The following TRIM25 variants were observed in gnomAD, a reference collection of about 807,000 sequenced individuals.
TRIM25 encodes tripartite motif containing 25, also known as E3 ubiquitin/ISG15 ligase TRIM25.
TRIM25 carries 45 observed loss-of-function variants against 65.2 expected under a neutral mutation model. That is an observed-to-expected ratio of 0.69 (90% CI 0.54 to 0.89). The LOEUF (loss-of-function observed/expected upper bound fraction) is 0.89. Among genes scored for constraint, TRIM25 ranks in the 40% least tolerant of loss-of-function variants. The pLI, the probability that TRIM25 is intolerant of heterozygous loss-of-function variation, is 0.00. For synonymous variants in TRIM25, 321 were observed against 340.4 expected, an observed-to-expected ratio of 0.94 and a Z score of 0.63; for missense variants, 714 against 803.7, an observed-to-expected ratio of 0.89 and a Z score of 1.35.
chr17:56,896,035 A>G (rs1178563477), intron 5 of TRIM25, 83 bp from the exon 6 acceptor site: 1 of 1,392,848 alleles, frequency 7.2e-7, no homozygotes. Context: ...CATGTGCATG[A>G]ATTTGACCCA....
rs897229289 is a variant in TRIM25 at position 56,890,097 on chromosome 17, T to C, written c.*1603A>G. The C allele has an allele frequency of 2.4e-5, 9 of 374,562 alleles. No homozygotes were observed. The highest frequency in any genetic ancestry group is 3.8e-5 in the Non-Finnish European group (8 of 210,024). 23.2% of individuals were successfully genotyped at this position (374,562 alleles called of 1,614,324 possible). Reference sequence around the variant, plus strand: ...CTGAGATGCATTACATTCTCAAATATCCATATGAAAAGGTCTGGGGTCTCT... The same window carrying C: ...CTGAGATGCATTACATTCTCAAATACCCATATGAAAAGGTCTGGGGTCTCT... On this transcript the variant is annotated 3_prime_UTR_variant, in exon 9 of 9. Coordinates refer to ENST00000316881, the MANE Select transcript of TRIM25 (RefSeq NM_005082.5).
Position 56,888,317 on chromosome 17 carries a change from T to G in TRIM25, c.*3383A>C, listed in dbSNP as rs1458184745. 6.6e-6 allele frequency: 1 copy of G among 151,940 alleles called. No homozygotes were observed. Among genetic ancestry groups the G allele is most frequent in the Non-Finnish European group, 1.5e-5 (1 of 67,994 alleles). 9.4% of individuals were successfully genotyped at this position (151,940 alleles called of 1,614,324 possible). On this transcript the variant is annotated 3_prime_UTR_variant, in exon 9 of 9. Transcript: ENST00000316881. ...ATGGCCTCACAAATAACAAAGACAC[T>G]CCTATTACCCTGGAAATGTCAAGGA...
intron 1 of TRIM25, among the ~76,000 whole-genome samples, chr17:56,909,222 G>T (rs1006192135): frequency 2.6e-5 from 4 of 152,072 alleles, no homozygotes; most frequent in South Asian, 4.2e-4. Flanking sequence ...TCCAGGAGAA[G>T]GGGGAAGGGG....
In TRIM25 at chr17:56,891,931, G is replaced by A. The variant is rs1418484328; in HGVS notation, c.1662C>T (p.Phe554=). Residue 554 remains phenylalanine (F), a synonymous_variant, in exon 9 of 9, where the codon TTC becomes TTT. Coordinates refer to ENST00000316881, the MANE Select transcript of TRIM25 (RefSeq NM_005082.5). ...TGTGCCAGGCAGAGATCTTGGTGTT[G>A]AACCACTCCACGCACCAGGAGGCGC... ...RNSASWCVEW[F]NTKISAWHNN... is the part of the protein sequence containing the mutation. The A allele has an allele frequency of 1.2e-6, 2 of 1,614,114 alleles. No individual in the cohort carries two copies. The highest frequency in any genetic ancestry group is 1.7e-6 in the Non-Finnish European group (2 of 1,180,054).
Position 56,891,613 on chromosome 17 carries a change from A to G in TRIM25, c.*87T>C. The G allele has an allele frequency of 8.7e-7, 1 of 1,150,186 alleles. No individual in the cohort carries two copies. The allele number at this position is 1,150,186 out of a possible 1,614,324, so 71.2% of individuals were successfully genotyped here. The stretch of plus-strand genomic sequence containing the variant: ...TCCCAATCCTTGGGACCTCTTGGGG[A>G]ATTATCCAAGGAGAGTTCTGCCTGC... On this transcript the variant is annotated 3_prime_UTR_variant, in exon 9 of 9. Transcript: ENST00000316881.
At chr17:56,908,127 C>T (rs576146276) in intron 2 of TRIM25, among the ~76,000 whole-genome samples, 2 of 152,300 alleles carry the variant, frequency 1.3e-5, no homozygotes, top group Admixed American at 6.5e-5. Flanking sequence ...AACTAATATA[C>T]TTCCTTTTTG....
chr17:56,903,904 T>G (rs1238985707), intron 3 of TRIM25, among the ~76,000 whole-genome samples: 6 of 152,104 alleles, frequency 3.9e-5, no homozygotes, highest in South Asian at 4.1e-4. Context: ...CATAAGGAAC[T>G]AAATTCTGCC....
At chr17:56,896,207 GAAC>G (rs1277403462) in intron 5 of TRIM25, among the ~76,000 whole-genome samples, 8 of 152,064 alleles carry the variant, frequency 5.3e-5, no homozygotes, top group African/African-American at 1.9e-4. Context: ...ATCTTGATTT[GAAC>G]AATGGTAACA....
At chr17:56,894,358 C>T (rs1014840631) in intron 8 of TRIM25, among the ~76,000 whole-genome samples, 2 of 152,228 alleles carry the variant, frequency 1.3e-5, no homozygotes, top group Non-Finnish European at 2.9e-5. Context: ...AAGTGATTCT[C>T]GTGCCTCAGC....
chr17:56,910,170 T>A (rs981423287), intron 1 of TRIM25, among the ~76,000 whole-genome samples: 2 of 150,162 alleles, frequency 1.3e-5, no homozygotes, highest in African/African-American at 2.5e-5. Context: ...AAAAAAAAAA[T>A]TTCCTTCCCG....
At chr17:56,903,788 G>A (rs1222956138) in intron 3 of TRIM25, among the ~76,000 whole-genome samples, 2 of 152,294 alleles carry the variant, frequency 1.3e-5, no homozygotes, top group African/African-American at 2.4e-5. Flanking sequence ...TTAAAAGAGG[G>A]ATTGCATCTT....
rs1329214747 is a variant in TRIM25, at chr17:56,889,437, T to C, written c.*2263A>G. ...TGAGAAGTCAGATGGATACAAAGGT[T>C]CCTCCAACTCTAGGACTCCAGGGTT... On this transcript the variant is annotated 3_prime_UTR_variant, in exon 9 of 9. Coordinates refer to ENST00000316881, the MANE Select transcript of TRIM25 (RefSeq NM_005082.5). 1 of 261,756 alleles carries C rather than the reference T, an allele frequency of 3.8e-6. No individual in the cohort carries two copies. Among genetic ancestry groups the C allele is most frequent in the African/African-American group, 2.2e-5 (1 of 45,682 alleles). 16.2% of individuals were successfully genotyped at this position (261,756 alleles called of 1,614,324 possible).
At chr17:56,904,993 A>T (rs1377273175) in intron 2 of TRIM25, among the ~76,000 whole-genome samples, 1 of 152,244 alleles carries the variant, frequency 6.6e-6, no homozygotes, top group African/African-American at 2.4e-5. Context: ...GCACAAAGAA[A>T]CGCATGGGAA....
chr17:56,888,983 C>T lies in TRIM25; in HGVS notation c.*2717G>A, dbSNP rs1909113116. On this transcript the variant is annotated 3_prime_UTR_variant, in exon 9 of 9. Coordinates refer to ENST00000316881, the MANE Select transcript of TRIM25 (RefSeq NM_005082.5). ...GCACGTCAGCCAGCCCTGGCCTTGT[C>T]TACAGCCATGATTATCTCCTTAAAG... 1 of 152,184 alleles carries T rather than the reference C, an allele frequency of 6.6e-6. No individual in the cohort carries two copies. The allele number at this position is 152,184 out of a possible 1,614,324, so 9.4% of individuals were successfully genotyped here.
Position 56,891,730 on chromosome 17 carries a change from A to T in TRIM25, c.1863T>A (p.Gly621=), listed in dbSNP as rs748965539. The change falls in exon 9 of 9, where the codon GGT becomes GGA. Residue 621 remains glycine, a synonymous_variant. Coordinates refer to ENST00000316881, the MANE Select transcript of TRIM25 (RefSeq NM_005082.5). ...TGGGGGAGCAGATGGAGAGTGTGGC[A>T]CCAGCAGAAAATACCCAGAAAGCCG... ...LYPAFWVFSA[G]ATLSICSPK 6.2e-7 allele frequency: 1 copy of T among 1,613,934 alleles called. No homozygotes were observed.
Position 56,899,230 on chromosome 17 carries a change from T to C in TRIM25, c.1088-50A>G, listed in dbSNP as rs770193626. On this transcript the variant is annotated intron_variant, in intron 4 of 8. Coordinates refer to ENST00000316881, the MANE Select transcript of TRIM25 (RefSeq NM_005082.5). ...TGTGTGCGGCTCCTCTCACTGACCC[T>C]AGCAGCCAGCTTTGCCATGGGTCGG... 4 of 1,603,604 alleles carry C rather than the reference T, an allele frequency of 2.5e-6. No individual in the cohort carries two copies. In the South Asian group the frequency reaches 4.4e-5, roughly 18 times the overall value.
chr17:56,899,656 C>G (rs536553844), intron 4 of TRIM25, among the ~76,000 whole-genome samples: 4 of 152,230 alleles, frequency 2.6e-5, no homozygotes, highest in African/African-American at 4.8e-5. Context: ...GCACCGCCAC[C>G]GATTTCAGAA....
intron 3 of TRIM25, among the ~76,000 whole-genome samples, chr17:56,903,802 AGAG>A (rs1909463256): frequency 6.6e-6 from 1 of 152,178 alleles, no homozygotes; most frequent in African/African-American, 2.4e-5. Context: ...GCATCTTTCT[AGAG>A]GAGAAATTCT....
At position 56,905,318 on chromosome 17, in the gene TRIM25, C is replaced by G. The variant is rs573669625; in HGVS notation, c.694-830G>C. Among the ~76,000 whole-genome samples the G allele has an allele frequency of 5.3e-5, 8 of 152,174 alleles. No homozygotes were observed. In the South Asian group the frequency reaches 1.7e-3, roughly 32 times the overall value. ...GGCAGAGGTTACAGTGAGCCGAGATCGTGCCACTGCACTCCAGCCTGGGAG... is the reference window on the plus strand; with the variant it reads ...GGCAGAGGTTACAGTGAGCCGAGATGGTGCCACTGCACTCCAGCCTGGGAG... On this transcript the variant is annotated intron_variant, in intron 2 of 8. Coordinates refer to ENST00000316881, the MANE Select transcript of TRIM25 (RefSeq NM_005082.5).
Sources: gnomAD v4.1 joint callset for allele counts (sites outside exome capture counted in the v4.1 genomes callset) on GRCh38, gnomAD v4.1.1 for gene constraint, MANE v1.5 for transcripts, NCBI Gene and HGNC (gene_info 2026-07-23, HGNC 2026-07-21) for gene names.